TP63: variants seen among roughly 807,000 people sequenced by gnomAD.
TP63 encodes tumor protein 63.
TP63 carries 17 observed loss-of-function variants against 82.8 expected under a neutral mutation model. The ratio of observed to expected loss-of-function variants is 0.21; its 90% confidence interval spans 0.14 to 0.31. TP63 has a LOEUF of 0.31. Ranked by LOEUF, TP63 falls within the 10% of genes least tolerant of loss-of-function variation. The pLI is 1.00. For missense variants in TP63, 648 were observed against 895.3 expected (o/e 0.72, Z 3.52); for synonymous variants, 330 against 321.7 (o/e 1.03, Z -0.28).
chr3:189,864,516 G>A, intron 5 of TP63, 98 bp downstream of exon 5: 1 of 990,354 alleles, frequency 1.0e-6, no homozygotes, highest in Non-Finnish European at 1.4e-6. Flanking sequence ...TCAGACTTCT[G>A]CACTCCGATG....
At chr3:189,694,770 AG>A (rs1316637231) in intron 1 of TP63, among the ~76,000 whole-genome samples, 1 of 131,932 alleles carries the variant, frequency 7.6e-6, no homozygotes, top group East Asian at 2.2e-4. Flanking sequence ...ACTCTTTGAA[AG>A]GAGGCCAGTA....
intron 1 of TP63, among the ~76,000 whole-genome samples, chr3:189,660,977 G>T (rs1314649761): frequency 6.6e-6 from 1 of 151,916 alleles, no homozygotes; most frequent in Non-Finnish European, 1.5e-5. Context: ...AAAGCCTTTT[G>T]GTGGAGTCTT....
chr3:189,833,397 G>T (rs1018257100), intron 4 of TP63, among the ~76,000 whole-genome samples: 17 of 152,208 alleles, frequency 1.1e-4, no homozygotes, highest in Admixed American at 3.9e-4. Flanking sequence ...TTAGGATTAT[G>T]TAAGTACAGT....
chr3:189,882,898 G>C (rs1316247686), intron 10 of TP63, among the ~76,000 whole-genome samples: 1 of 152,142 alleles, frequency 6.6e-6, no homozygotes, highest in Non-Finnish European at 1.5e-5. Context: ...TTTCTTCAAA[G>C]CTGGAAATAC....
At chr3:189,684,167 T>C (rs1006750228) in intron 1 of TP63, among the ~76,000 whole-genome samples, 4 of 152,244 alleles carry the variant, frequency 2.6e-5, no homozygotes. Context: ...TCATTCTTTA[T>C]TCTTTAATTC....
rs757045273 is a variant in TP63 at position 189,866,780 on chromosome 3, C to T, written c.865C>T (p.Pro289Ser). Residue 289 changes from proline (P) to serine (S), a missense_variant, in exon 6 of 14, where the codon CCT becomes TCT. Around this residue, in one of 5 missense-constraint regions of TP63, gnomAD observed 30 missense variants for 26.4 expected, o/e 1.14. Transcript: ENST00000264731. ...CACAGGAAGACAGAGTGTGCTGGTACCTTATGAGCCACCCCAGGTAAAAAG... is the reference window on the plus strand; with the variant it reads ...CACAGGAAGACAGAGTGTGCTGGTATCTTATGAGCCACCCCAGGTAAAAAG... ...PITGRQSVLV[P>S]YEPPQVGTEF... The T allele has an allele frequency of 2.1e-5, 34 of 1,613,888 alleles. No individual in the cohort carries two copies. Among genetic ancestry groups the T allele is most frequent in the Middle Eastern group, 3.3e-4 (2 of 6,084 alleles).
Position 189,889,431 on chromosome 3 carries a change from C to T in TP63, c.1599C>T (p.Ser533=), listed in dbSNP as rs758093495. ...QALPPPLSMP[S]TSHCTPPPPY... Reference sequence around the variant, plus strand: ...TCCCTCCCCCACTCTCCATGCCATCCACCTCCCACTGCACACCCCCACCTC... The same window carrying T: ...TCCCTCCCCCACTCTCCATGCCATCTACCTCCCACTGCACACCCCCACCTC... The change falls in exon 12 of 14, where the codon TCC becomes TCT. Residue 533 remains serine (S), a synonymous_variant. Transcript: ENST00000264731. The T allele has an allele frequency of 4.3e-4, 687 of 1,614,048 alleles. No individual in the cohort carries two copies. The highest frequency in any genetic ancestry group is 5.5e-4 in the Non-Finnish European group (649 of 1,180,026).
intron 3 of TP63, among the ~76,000 whole-genome samples, chr3:189,748,341 C>A (rs1436902974): frequency 6.6e-6 from 1 of 151,788 alleles, no homozygotes; most frequent in African/African-American, 2.4e-5. Flanking sequence ...AATATAGTTG[C>A]AGGATACAAA....
chr3:189,720,068 C>T (rs768161968), intron 1 of TP63, among the ~76,000 whole-genome samples: 2 of 152,188 alleles, frequency 1.3e-5, no homozygotes, highest in Non-Finnish European at 2.9e-5. Context: ...TTTCCTCTGC[C>T]AAACCCTGTC....
At chr3:189,604,830 T>G in the TP63 span, among the ~76,000 whole-genome samples, 1 of 152,246 alleles carries the variant, frequency 6.6e-6, no homozygotes, top group South Asian at 2.1e-4. Context: ...AATTATTTGA[T>G]TCTTTAAAAG....
intron 3 of TP63, among the ~76,000 whole-genome samples, chr3:189,745,551 A>G (rs1346958161): frequency 6.6e-6 from 1 of 151,880 alleles, no homozygotes; most frequent in Non-Finnish European, 1.5e-5. Context: ...TCCTAAAAAT[A>G]CAAAAATTAG....
At chr3:189,641,119 C>T (rs1711830023) in intron 1 of TP63, among the ~76,000 whole-genome samples, 1 of 152,052 alleles carries the variant, frequency 6.6e-6, no homozygotes, top group Non-Finnish European at 1.5e-5. Flanking sequence ...AAATAGTTCA[C>T]TTTCATTGTA....
intron 1 of TP63, among the ~76,000 whole-genome samples, chr3:189,709,192 G>C (rs1718418066): frequency 1.3e-5 from 2 of 152,116 alleles, no homozygotes; most frequent in Non-Finnish European, 2.9e-5. Flanking sequence ...TTGAGAACAA[G>C]GAAGATACAA....
chr3:189,719,490 G>A (rs371938242), intron 1 of TP63, among the ~76,000 whole-genome samples: 1 of 152,052 alleles, frequency 6.6e-6, no homozygotes, highest in African/African-American at 2.4e-5. Flanking sequence ...AACACATCTA[G>A]TCCCTCCATT....
the TP63 span, among the ~76,000 whole-genome samples, chr3:189,605,665 G>T: frequency 4.6e-5 from 7 of 152,170 alleles, no homozygotes; most frequent in African/African-American, 1.7e-4. Flanking sequence ...TCTATTTCTG[G>T]TAAAATGATG....
At chr3:189,763,263 G>A (rs1012746578) in intron 3 of TP63, among the ~76,000 whole-genome samples, 1 of 152,072 alleles carries the variant, frequency 6.6e-6, no homozygotes, top group Non-Finnish European at 1.5e-5. Flanking sequence ...GACAGAGCAA[G>A]GCCCTGTCTC....
At chr3:189,766,242 G>C (rs1218860116) in intron 3 of TP63, among the ~76,000 whole-genome samples, 1 of 152,176 alleles carries the variant, frequency 6.6e-6, no homozygotes, top group Non-Finnish European at 1.5e-5. Flanking sequence ...AATGTAAACT[G>C]TATGAAATAG....
the TP63 span, among the ~76,000 whole-genome samples, chr3:189,601,860 T>TAG: frequency 3.3e-5 from 5 of 152,162 alleles, no homozygotes; most frequent in African/African-American, 9.7e-5. Context: ...ACTTCCAGCT[T>TAG]CCAATAAGAA....
chr3:189,871,866 T>C (rs1560284349), intron 9 of TP63, among the ~76,000 whole-genome samples: 1 of 152,160 alleles, frequency 6.6e-6, no homozygotes, highest in Non-Finnish European at 1.5e-5. Context: ...GGACCACAGG[T>C]GTGGGCCACC....
Sources: allele counts gnomAD v4.1 joint callset (sites outside exome capture counted in the v4.1 genomes callset), GRCh38; gene constraint gnomAD v4.1.1; regional missense constraint gnomAD v4.1.1; transcripts MANE v1.5; gene names NCBI Gene and HGNC (gene_info 2026-07-23, HGNC 2026-07-21).